Variants in GALNTL6 observed in about 807,000 individuals in gnomAD.
The protein encoded by GALNTL6 is polypeptide N-acetylgalactosaminyltransferase like 6, also known as polypeptide N-acetylgalactosaminyltransferase-like 6.
Under a neutral mutation model 73.7 loss-of-function variants are expected in GALNTL6, and 46 were observed. The observed-to-expected ratio is 0.62, with a 90% CI of 0.49 to 0.80. The LOEUF is 0.80. GALNTL6 is among the 30% of genes least tolerant of loss of function. The pLI is 0.00. For missense variants in GALNTL6, 604 were observed against 755.0 expected, an observed-to-expected ratio of 0.80 and a Z score of 2.34; for synonymous variants, 259 against 263.7, an observed-to-expected ratio of 0.98 and a Z score of 0.17.
At chr4:172,313,802 G>T (rs897168918) in intron 4 of GALNTL6, among the ~76,000 whole-genome samples, 1 of 152,048 alleles carries the variant, frequency 6.6e-6, no homozygotes, top group Non-Finnish European at 1.5e-5. Context: ...GAAAAAATAC[G>T]AAAACAAACA....
At chr4:172,414,424 G>C (rs951267100) in intron 5 of GALNTL6, among the ~76,000 whole-genome samples, 2 of 151,938 alleles carry the variant, frequency 1.3e-5, no homozygotes, top group Non-Finnish European at 2.9e-5. Flanking sequence ...AACCCAATAT[G>C]TTCAATAAAA....
In GALNTL6 at chr4:173,025,272, G is replaced by T. The variant is rs144471193; in HGVS notation, c.1638+3647G>T. ...TTCTTTTACCACCAGGGGGACCCCTGTTACAAGAACAGTGAATTGTTGAGG... is the reference window on the plus strand; with the variant it reads ...TTCTTTTACCACCAGGGGGACCCCTTTTACAAGAACAGTGAATTGTTGAGG... On this transcript the variant is annotated intron_variant, in intron 12 of 12. Coordinates refer to ENST00000506823, the MANE Select transcript of GALNTL6 (RefSeq NM_001034845.3). 7.7e-3 allele frequency among the ~76,000 whole-genome samples: 1,176 copies of T among 152,302 alleles called. 16 individuals are homozygous for T. The highest frequency in any genetic ancestry group is 0.027 in the African/African-American group (1,118 of 41,572).
intron 3 of GALNTL6, among the ~76,000 whole-genome samples, chr4:172,272,195 T>C (rs1220426216): frequency 6.6e-6 from 1 of 152,186 alleles, no homozygotes; most frequent in African/African-American, 2.4e-5. Flanking sequence ...CCTCAGGTGG[T>C]CTGCTCACCT....
At chr4:172,342,768 G>A (rs1330247067) in intron 4 of GALNTL6, among the ~76,000 whole-genome samples, 1 of 152,116 alleles carries the variant, frequency 6.6e-6, no homozygotes, top group East Asian at 1.9e-4. Flanking sequence ...TTTCGCTAGT[G>A]TCATTTGCCA....
intron 5 of GALNTL6, among the ~76,000 whole-genome samples, chr4:172,442,630 G>A (rs1731873235): frequency 6.6e-6 from 1 of 152,078 alleles, no homozygotes; most frequent in Admixed American, 6.6e-5. Flanking sequence ...ATCAGCTTAT[G>A]TCGTATTCCG....
intron 5 of GALNTL6, among the ~76,000 whole-genome samples, chr4:172,560,327 C>CA (rs910915336): frequency 2.5e-4 from 17 of 68,954 alleles, no homozygotes; most frequent in South Asian, 1.4e-3. Context: ...AAAAATTAAG[C>CA]AAAAAAAAAA....
intron 2 of GALNTL6, among the ~76,000 whole-genome samples, chr4:171,900,466 C>T (rs1164926275): frequency 6.9e-6 from 1 of 144,930 alleles, no homozygotes; most frequent in African/African-American, 2.6e-5. Flanking sequence ...TGCCACCACA[C>T]TCGGCTAATT....
At chr4:172,656,471 G>A (rs907481062) in intron 5 of GALNTL6, among the ~76,000 whole-genome samples, 2 of 152,202 alleles carry the variant, frequency 1.3e-5, no homozygotes, top group Non-Finnish European at 2.9e-5. Context: ...TATGAACATA[G>A]TGGTGCTGGT....
intron 3 of GALNTL6, among the ~76,000 whole-genome samples, chr4:172,246,640 A>G (rs1373232288): frequency 6.6e-6 from 1 of 151,970 alleles, no homozygotes. Context: ...ACAAAAATTT[A>G]GTATGGATTA....
chr4:172,633,017 T>C (rs543460721), intron 5 of GALNTL6, among the ~76,000 whole-genome samples: 8 of 152,184 alleles, frequency 5.3e-5, no homozygotes, highest in Non-Finnish European at 7.4e-5. Context: ...CTAGATTTCA[T>C]AGGATGCGTG....
intron 2 of GALNTL6, among the ~76,000 whole-genome samples, chr4:172,041,851 G>C (rs186573814): frequency 9.9e-4 from 151 of 152,154 alleles, no homozygotes; most frequent in African/African-American, 3.4e-3. Flanking sequence ...TAGCCCGTGA[G>C]TACTTCCACA....
chr4:172,127,828 C>T (rs1166226860), intron 2 of GALNTL6, among the ~76,000 whole-genome samples: 4 of 152,192 alleles, frequency 2.6e-5, no homozygotes, highest in East Asian at 1.9e-4. Context: ...AAGGTCCGGG[C>T]GTGGTGGCTC....
At chr4:172,385,140 G>T (rs886796927) in intron 5 of GALNTL6, among the ~76,000 whole-genome samples, 1 of 151,166 alleles carries the variant, frequency 6.6e-6, no homozygotes, top group Non-Finnish European at 1.5e-5. Context: ...TTTGTTTCAA[G>T]AAGAGATGAT....
At chr4:172,529,629 G>A (rs904268688) in intron 5 of GALNTL6, among the ~76,000 whole-genome samples, 10 of 151,920 alleles carry the variant, frequency 6.6e-5, no homozygotes, top group Admixed American at 1.3e-4. Context: ...TATATCTGCA[G>A]GAAGATGTAG....
chr4:172,316,318 A>T (rs1740540193), intron 4 of GALNTL6, among the ~76,000 whole-genome samples: 1 of 152,226 alleles, frequency 6.6e-6, no homozygotes, highest in Non-Finnish European at 1.5e-5. Flanking sequence ...GTTTATACAG[A>T]TAAATATTTA....
At chr4:172,391,365 G>A (rs1743659489) in intron 5 of GALNTL6, among the ~76,000 whole-genome samples, 1 of 151,986 alleles carries the variant, frequency 6.6e-6, no homozygotes, top group Non-Finnish European at 1.5e-5. Flanking sequence ...ATAGAGATGG[G>A]GTCTTGCTCT....
intron 2 of GALNTL6, among the ~76,000 whole-genome samples, chr4:172,201,786 C>T (rs1354357): frequency 0.44 from 66,694 of 151,948 alleles, 17,018 homozygotes; most frequent in East Asian, 0.8. Context: ...CTTAATTGTG[C>T]TGGTAATTAT....
intron 2 of GALNTL6, among the ~76,000 whole-genome samples, chr4:172,004,285 C>A (rs1435786385): frequency 1.3e-5 from 2 of 152,088 alleles, no homozygotes; most frequent in East Asian, 3.9e-4. Context: ...AGGGAGGGAA[C>A]CTTTCAGAAA....
intron 2 of GALNTL6, among the ~76,000 whole-genome samples, chr4:172,203,799 T>G (rs1374991925): frequency 3.3e-5 from 5 of 152,108 alleles, no homozygotes; most frequent in African/African-American, 1.2e-4. Context: ...CAGGCTGGAG[T>G]GCAATGGCAC....
Sources: gnomAD v4.1 joint callset for allele counts (sites outside exome capture counted in the v4.1 genomes callset) on GRCh38, gnomAD v4.1.1 for gene constraint, MANE v1.5 for transcripts, NCBI Gene and HGNC (gene_info 2026-07-23, HGNC 2026-07-21) for gene names.